The following METRNL variants were observed in gnomAD, a reference collection of about 807,000 sequenced individuals.
METRNL encodes the protein meteorin-like protein.
A neutral mutation model predicts 17.4 loss-of-function variants in METRNL; 9 were observed. The ratio of observed to expected loss-of-function variants is 0.52; its 90% CI spans 0.31 to 0.90. The LOEUF (loss-of-function observed/expected upper bound fraction) is 0.90, where lower values mean the gene tolerates loss of function less well. METRNL is among the 40% of genes least tolerant of loss of function. The pLI is 0.05. For synonymous variants in METRNL, 215 were observed against 199.3 expected (o/e 1.08, Z -0.66); for missense variants, 408 against 430.7 (o/e 0.95, Z 0.47).
At chr17:83,084,579 T>A (rs2038026498) in intron 1 of METRNL, 1 of 272,830 alleles carries the variant, frequency 3.7e-6, no homozygotes, top group Admixed American at 5.4e-5. Flanking sequence ...TTCAGGGACA[T>A]CGCAGAGATT....
At chr17:83,093,411 G>A (rs969882921) in intron 3 of METRNL, among the ~76,000 whole-genome samples, 185 bp downstream of exon 3, 5 of 152,216 alleles carry the variant, frequency 3.3e-5, no homozygotes, top group Admixed American at 6.5e-5. Flanking sequence ...GGACAGGGAC[G>A]CCACCGCCCA....
chr17:83,083,566 A>G (rs1159921173), intron 1 of METRNL, among the ~76,000 whole-genome samples: 1 of 151,758 alleles, frequency 6.6e-6, no homozygotes, highest in Non-Finnish European at 1.5e-5. Flanking sequence ...GTAATTTGTG[A>G]GTCTGTTCTG....
rs2038041562 is a variant in METRNL at position 83,085,396 on chromosome 17, A to G, written c.556+73A>G. 5.4e-6 allele frequency: 8 copies of G among 1,482,752 alleles called. No individual in the cohort carries two copies. The East Asian group carries it at 1.6e-4, about 30-fold the overall frequency. The allele number at this position is 1,482,752 out of a possible 1,614,324, so 91.8% of individuals were successfully genotyped here. A position where few individuals can be genotyped will look rare whatever the true frequency, so the allele number is the denominator to read the frequency against. Reference sequence around the variant, plus strand: ...GCTGGTGATGTGGCAGGTGTCTCTGATTTCTTCCTGTCCCCTCGTCTGCTC... The same window carrying G: ...GCTGGTGATGTGGCAGGTGTCTCTGGTTTCTTCCTGTCCCCTCGTCTGCTC... On this transcript the variant is annotated intron_variant, in intron 2 of 3. Coordinates refer to ENST00000320095, the MANE Select transcript of METRNL (RefSeq NM_001004431.3).
intron 2 of METRNL, among the ~76,000 whole-genome samples, chr17:83,090,683 G>A (rs1173121091): frequency 6.6e-6 from 1 of 151,122 alleles, no homozygotes. Flanking sequence ...CCACGCTTCT[G>A]TCGTTGACCA....
At chr17:83,093,247 T>C in intron 3 of METRNL, 21 bp downstream of exon 3, 1 of 1,598,544 alleles carries the variant, frequency 6.3e-7, no homozygotes, top group Non-Finnish European at 8.5e-7. Context: ...CCTCGGCAGC[T>C]TCTACCTCCT....
Position 83,091,770 on chromosome 17 carries a change from C to T in METRNL, c.557-1397C>T, listed in dbSNP as rs2058791488. Reference sequence around the variant, plus strand: ...TTGGCCAGGGACGTTTCAGAGCCTTCAGAACGTGAAATGGCACCGGCGAAA... The same window carrying T: ...TTGGCCAGGGACGTTTCAGAGCCTTTAGAACGTGAAATGGCACCGGCGAAA... On this transcript the variant is annotated intron_variant, in intron 2 of 3. Transcript: ENST00000320095. Among the ~76,000 whole-genome samples the T allele has an allele frequency of 1.3e-5, 2 of 152,218 alleles. 1 individual carries two copies. Among genetic ancestry groups the T allele is most frequent in the South Asian group, 4.1e-4 (2 of 4,836 alleles).
Position 83,079,980 on chromosome 17 carries a change from G to A in METRNL, c.165G>A (p.Lys55=), listed in dbSNP as rs1219397574. ...AQYSSDRCSW[K]GSGLTHEAHR... ...ACTCCAGCGACCGGTGCAGCTGGAAGGGGAGGTGAGTGTGCGCGGCGCGAC... is the reference window on the plus strand; with the variant it reads ...ACTCCAGCGACCGGTGCAGCTGGAAAGGGAGGTGAGTGTGCGCGGCGCGAC... The change falls in exon 1 of 4, where the codon AAG becomes AAA. Residue 55 remains lysine (K), a synonymous_variant. Transcript: ENST00000320095. 3 of 1,016,192 alleles carry A rather than the reference G, an allele frequency of 3.0e-6. No individual in the cohort carries two copies. The African/African-American group carries it at 5.2e-5, about 18-fold the overall frequency. 62.9% of individuals were successfully genotyped at this position (1,016,192 alleles called of 1,614,324 possible).
At chr17:83,093,720 C>T (rs1212196031) in intron 3 of METRNL, among the ~76,000 whole-genome samples, 1 of 152,162 alleles carries the variant, frequency 6.6e-6, no homozygotes, top group African/African-American at 2.4e-5. Flanking sequence ...GGCGTTTGCA[C>T]AGACGCCCTG....
At chr17:83,080,547 C>G (rs1193189010) in intron 1 of METRNL, among the ~76,000 whole-genome samples, 1 of 77,236 alleles carries the variant, frequency 1.3e-5, no homozygotes, top group African/African-American at 5.1e-5. Flanking sequence ...TTGGCCGCGG[C>G]GCGCGCTGCG....
In METRNL at chr17:83,085,138, C is replaced by T. The variant is rs1418573576; in HGVS notation, c.371C>T (p.Thr124Ile). 2 of 1,613,442 alleles carry T rather than the reference C, an allele frequency of 1.2e-6. No homozygotes were observed. Among genetic ancestry groups the T allele is most frequent in the Non-Finnish European group, 1.7e-6 (2 of 1,179,964 alleles). ...GGGGCCAATATTTATTTGGAAAAAA[C>T]TGGAGAACTGAGACTGCTGGTACCA... ...SSGANIYLEK[T>I]GELRLLVPDG... The change falls in exon 2 of 4, where the codon ACT becomes ATT. Residue 124 changes from threonine to isoleucine, a missense_variant. Thr to Ile is a moderately conservative substitution (Grantham distance 89). Coordinates refer to ENST00000320095, the MANE Select transcript of METRNL (RefSeq NM_001004431.3).
At chr17:83,086,488 G>A (rs1396064029) in intron 2 of METRNL, among the ~76,000 whole-genome samples, 1 of 152,214 alleles carries the variant, frequency 6.6e-6, no homozygotes, top group African/African-American at 2.4e-5. Context: ...TATGGTGGGT[G>A]GGAGACCTGG....
chr17:83,090,980 A>G lies in METRNL; in HGVS notation c.557-2187A>G, dbSNP rs1000091794. ...GTCCACATAGGTGAACTAAGTGTCA[A>G]GGGTGGGCCACACCCCGGGGCCCCC... On this transcript the variant is annotated intron_variant, in intron 2 of 3. Transcript: ENST00000320095. 3.3e-5 allele frequency among the ~76,000 whole-genome samples: 5 copies of G among 152,268 alleles called. No homozygotes were observed. In the South Asian group the frequency reaches 1.0e-3, roughly 32 times the overall value.
rs2038181875 is a variant in METRNL, at chr17:83,094,642, G to C, written c.*67G>C. On this transcript the variant is annotated 3_prime_UTR_variant, in exon 4 of 4. Transcript: ENST00000320095. ...CTGCGGTGGGCGCTGCGGTCCTGGT[G>C]GGGCCGTGCGGTGAGGGCCGCGCGC... is the stretch of plus-strand genomic sequence containing the variant. 7.6e-7 allele frequency: 1 copy of C among 1,317,696 alleles called. No homozygotes were observed. The highest frequency in any genetic ancestry group is 2.9e-5 in the East Asian group (1 of 34,774). The allele number at this position is 1,317,696 out of a possible 1,614,324, so 81.6% of individuals were successfully genotyped here. A position where few individuals can be genotyped will look rare whatever the true frequency, so the allele number is the denominator to read the frequency against.
At chr17:83,088,544 A>T (rs75858801) in intron 2 of METRNL, among the ~76,000 whole-genome samples, 1 of 152,126 alleles carries the variant, frequency 6.6e-6, no homozygotes, top group African/African-American at 2.4e-5. Context: ...AGGCCCCCCA[A>T]TGCAGGCCCC....
chr17:83,091,546 C>T (rs144776782), intron 2 of METRNL, among the ~76,000 whole-genome samples: 4 of 152,352 alleles, frequency 2.6e-5, no homozygotes, highest in Admixed American at 1.3e-4. Context: ...CAGCTGTCCC[C>T]GCCTTGGCCA....
intron 2 of METRNL, among the ~76,000 whole-genome samples, chr17:83,089,136 C>T (rs545760889): frequency 1.2e-4 from 18 of 152,196 alleles, no homozygotes; most frequent in South Asian, 4.1e-4. Flanking sequence ...GGAGTGCGGC[C>T]GCAGCGCGAC....
chr17:83,093,047 T>G (rs974850331), intron 2 of METRNL, 120 bp from the exon 3 acceptor site: 7 of 769,820 alleles, frequency 9.1e-6, no homozygotes, highest in Non-Finnish European at 1.5e-5. Flanking sequence ...AAAGGTGCCT[T>G]GACGTGGACA....
chr17:83,093,207 C>G lies in METRNL; in HGVS notation c.597C>G (p.Ala199=), dbSNP rs563148283. The G allele has an allele frequency of 2.5e-6, 4 of 1,608,260 alleles. No homozygotes were observed. The Admixed American group carries it at 5.0e-5, about 20-fold the overall frequency. ...GCAGTGACACCGAGGTGCTCCTAGC[C>G]GTCTGCACCAGCGACTTCGGTGAGT... is the stretch of plus-strand genomic sequence containing the variant. ...RPCSDTEVLL[A]VCTSDFAVRG... is the part of the protein sequence containing the mutation. Residue 199 remains alanine, a synonymous_variant, in exon 3 of 4, where the codon GCC becomes GCG. Transcript: ENST00000320095.
rs896654438 is a variant in METRNL at position 83,086,167 on chromosome 17, C to T, written c.556+844C>T. 4.6e-5 allele frequency among the ~76,000 whole-genome samples: 7 copies of T among 152,320 alleles called. No individual in the cohort carries two copies. The South Asian group carries it at 1.2e-3, about 27-fold the overall frequency. ...GTGACCTCCATGGTCTGTGTGGCCTCGGACTCGGGTGTACAGACTTCTATC... is the reference window on the plus strand; with the variant it reads ...GTGACCTCCATGGTCTGTGTGGCCTTGGACTCGGGTGTACAGACTTCTATC... On this transcript the variant is annotated intron_variant, in intron 2 of 3. Transcript: ENST00000320095.
Sources: gnomAD v4.1 joint callset for allele counts (sites outside exome capture counted in the v4.1 genomes callset) on GRCh38, gnomAD v4.1.1 for gene constraint, MANE v1.5 for transcripts, NCBI Gene and HGNC (gene_info 2026-07-23, HGNC 2026-07-21) for gene names.